Variants in NOX4 observed in about 807,000 individuals in gnomAD.
NOX4 encodes the protein NADPH oxidase 4, also known as kidney oxidase-1.
Under a neutral mutation model 87.6 loss-of-function variants are expected in NOX4, and 69 were observed. The ratio of observed to expected loss-of-function variants is 0.79; its 90% CI spans 0.65 to 0.96. The LOEUF is 0.96. NOX4 is among the 40% of genes least tolerant of loss of function. The probability of loss-of-function intolerance (pLI) is 0.00; values close to 1 mark genes in which losing one functional copy is unlikely to be tolerated. For synonymous variants in NOX4, 275 were observed against 238.2 expected, an observed-to-expected ratio of 1.15 and a Z score of -1.42; for missense variants, 680 against 681.5, an observed-to-expected ratio of 1.00 and a Z score of 0.02.
chr11:89,417,036 GTCTC>G (rs1380254889), intron 8 of NOX4, among the ~76,000 whole-genome samples: 1 of 152,054 alleles, frequency 6.6e-6, no homozygotes, highest in Non-Finnish European at 1.5e-5. Flanking sequence ...TCACATTATA[GTCTC>G]TCTCACTCAG....
At chr11:89,588,827 C>T in the NOX4 span, among the ~76,000 whole-genome samples, 19 of 152,226 alleles carry the variant, frequency 1.2e-4, no homozygotes, top group African/African-American at 4.3e-4. Flanking sequence ...AGTGCTGTGG[C>T]TCCTACCCAC....
the NOX4 span, among the ~76,000 whole-genome samples, chr11:89,523,622 T>C: frequency 6.6e-6 from 1 of 152,218 alleles, no homozygotes; most frequent in African/African-American, 2.4e-5. Context: ...CAATCCTAGG[T>C]ATTTAATGGA....
At chr11:89,381,883 A>G (rs1940315815) in intron 11 of NOX4, among the ~76,000 whole-genome samples, 1 of 151,958 alleles carries the variant, frequency 6.6e-6, no homozygotes, top group Non-Finnish European at 1.5e-5. Flanking sequence ...TCTCCTTTCA[A>G]TCTTGGTGCC....
the NOX4 span, among the ~76,000 whole-genome samples, chr11:89,534,336 C>A: frequency 1.3e-5 from 2 of 152,248 alleles, no homozygotes; most frequent in South Asian, 2.1e-4. Flanking sequence ...CAAGGATAAA[C>A]CCTGAATATC....
chr11:89,495,808 T>C (rs1025249391), upstream of NOX4, among the ~76,000 whole-genome samples: 4 of 152,318 alleles, frequency 2.6e-5, no homozygotes, highest in African/African-American at 9.6e-5. Context: ...CAGTAAGATT[T>C]CTTAACCATT....
the NOX4 span, among the ~76,000 whole-genome samples, chr11:89,564,453 G>A: frequency 6.6e-6 from 1 of 152,090 alleles, no homozygotes; most frequent in Non-Finnish European, 1.5e-5. Context: ...GGGAAAATTC[G>A]GCCCCAGGGT....
At chr11:89,551,385 C>T in the NOX4 span, among the ~76,000 whole-genome samples, 34 of 152,110 alleles carry the variant, frequency 2.2e-4, no homozygotes, top group African/African-American at 8.2e-4. Flanking sequence ...CTATAAATTA[C>T]TTTGGGCAGT....
At chr11:89,444,261 T>A (rs1035515516) in intron 4 of NOX4, 29 bp from the exon 5 acceptor site, 3 of 1,589,060 alleles carry the variant, frequency 1.9e-6, no homozygotes, top group Non-Finnish European at 2.6e-6. Flanking sequence ...GGTAAGTTAG[T>A]GGGATTTGCA....
Position 89,342,268 on chromosome 11 carries a change from A to C in NOX4, c.1218-75T>G, listed in dbSNP as rs1946039992. On this transcript the variant is annotated intron_variant, in intron 13 of 17. Transcript: ENST00000263317. The stretch of plus-strand genomic sequence containing the variant: ...TAATTTTCTGTACCATATAGCAAAC[A>C]TGCTGAATGCAATCTCTAGATTTTG... 2.3e-6 allele frequency: 3 copies of C among 1,312,226 alleles called. No homozygotes were observed. In the East Asian group the frequency reaches 7.2e-5, roughly 32 times the overall value. 81.3% of individuals were successfully genotyped at this position (1,312,226 alleles called of 1,614,324 possible).
At chr11:89,491,727 TACACACACACACACAC>T (rs66820323), upstream of NOX4, among the ~76,000 whole-genome samples, 11 of 140,644 alleles carry the variant, frequency 7.8e-5, no homozygotes, top group African/African-American at 1.9e-4. Flanking sequence ...CGCCCCCTTG[TACACACACACACACAC>T]ACACACACAC....
chr11:89,449,532 A>G lies in NOX4; in HGVS notation c.265-8T>C, dbSNP rs1344926759. The G allele has an allele frequency of 2.5e-6, 4 of 1,599,092 alleles. No homozygotes were observed. Among genetic ancestry groups the G allele is most frequent in the Non-Finnish European group, 2.6e-6 (3 of 1,167,682 alleles). ...GGTTCTCCTGCTTGGAACCTAAACA[A>G]AAATCATTTAATATGGTAAAAATAA... On this transcript the variant is annotated splice_region_variant and splice_polypyrimidine_tract_variant and intron_variant, in intron 3 of 17. Transcript: ENST00000263317.
intron 7 of NOX4, among the ~76,000 whole-genome samples, chr11:89,424,748 T>G (rs934955232): frequency 6.6e-6 from 1 of 152,102 alleles, no homozygotes; most frequent in Non-Finnish European, 1.5e-5. Context: ...TTTTAACAGA[T>G]TGACCCATAT....
the NOX4 span, among the ~76,000 whole-genome samples, chr11:89,560,218 T>C: frequency 0.038 from 5,754 of 152,118 alleles, 155 homozygotes; most frequent in Non-Finnish European, 0.061. Context: ...GAGCGATGCA[T>C]TTGTAACCCA....
intron 13 of NOX4, among the ~76,000 whole-genome samples, chr11:89,350,754 C>T (rs1300804648): frequency 1.3e-5 from 2 of 152,098 alleles, no homozygotes; most frequent in Non-Finnish European, 2.9e-5. Context: ...TGTTACAAAG[C>T]TACAAATTCT....
At chr11:89,416,524 GTCC>G (rs1424956210) in intron 8 of NOX4, among the ~76,000 whole-genome samples, 1 of 152,114 alleles carries the variant, frequency 6.6e-6, no homozygotes, top group Non-Finnish European at 1.5e-5. Context: ...TATCCTTAAT[GTCC>G]TCCTCCTGAG....
At chr11:89,409,118 A>T (rs746375700) in intron 8 of NOX4, among the ~76,000 whole-genome samples, 31 of 152,158 alleles carry the variant, frequency 2.0e-4, no homozygotes, top group Non-Finnish European at 3.4e-4. Context: ...GTAAGCATCC[A>T]TTACTTCTTA....
chr11:89,506,305 G>A, the NOX4 span, among the ~76,000 whole-genome samples: 567 of 100,702 alleles, frequency 5.6e-3, 3 homozygotes, highest in African/African-American at 0.019. Flanking sequence ...GAAAGAAAGA[G>A]AGAGAAAGAA....
In NOX4 at chr11:89,440,698, GAGA is replaced by G. The variant is rs1328805617; in HGVS notation, c.462_464del (p.Leu155del). 1.9e-6 allele frequency: 3 copies of G among 1,544,854 alleles called. No homozygotes were observed. The highest frequency in any genetic ancestry group is 2.6e-6 in the Non-Finnish European group (3 of 1,132,742). On this transcript the variant is annotated inframe_deletion, in exon 6 of 18. Coordinates refer to ENST00000263317, the MANE Select transcript of NOX4 (RefSeq NM_016931.5). ...AGAATAACAACTTACCAGTTGTGAA[GAGA>G]AGTTTTCTAGGATCCTGAGAAAAAG... is the stretch of plus-strand genomic sequence containing the variant.
At chr11:89,568,341 T>C in the NOX4 span, among the ~76,000 whole-genome samples, 2 of 152,096 alleles carry the variant, frequency 1.3e-5, no homozygotes, top group Admixed American at 6.5e-5. Flanking sequence ...GACCACAAGT[T>C]GGAGTAATAA....
Sources: allele counts gnomAD v4.1 joint callset (sites outside exome capture counted in the v4.1 genomes callset), GRCh38; gene constraint gnomAD v4.1.1; transcripts MANE v1.5; gene names NCBI Gene and HGNC (gene_info 2026-07-23, HGNC 2026-07-21).